COG8: variants seen among roughly 807,000 people sequenced by gnomAD.
The protein encoded by COG8 is conserved oligomeric Golgi complex subunit 8.
Under a neutral mutation model 46.5 loss-of-function variants are expected in COG8, and 45 were observed. That is an observed-to-expected ratio of 0.97 (90% confidence interval 0.76 to 1.24). The LOEUF (loss-of-function observed/expected upper bound fraction) is 1.24. Ranked by LOEUF, COG8 falls within the 50% of genes most tolerant of loss-of-function variation. The pLI is 0.00. For synonymous variants in COG8, 407 were observed against 347.8 expected, an observed-to-expected ratio of 1.17 and a Z score of -1.90; for missense variants, 793 against 820.8, an observed-to-expected ratio of 0.97 and a Z score of 0.41.
rs1308662799 is a variant in COG8, at chr16:69,329,059, G to T, written c.*147C>A. On this transcript the variant is annotated 3_prime_UTR_variant, in exon 6 of 6. Coordinates refer to ENST00000306875, the MANE Select transcript of COG8 (RefSeq NM_032382.5). ...CTTCATCCAATAGACGTTTGTGAAC[G>T]TCCTGCTGTCCATTTTGTCAATAAA... The T allele has an allele frequency of 6.2e-7, 1 of 1,611,628 alleles. No homozygotes were observed. The highest frequency in any genetic ancestry group is 2.2e-5 in the East Asian group (1 of 44,760).
At position 69,339,383 on chromosome 16, in the gene COG8, C is replaced by A; in HGVS notation, c.170G>T (p.Gly57Val). The change falls in exon 1 of 6, where the codon GGG becomes GTG. Residue 57 changes from glycine (G) to valine (V), a missense_variant. Gly to Val is a moderately radical substitution (Grantham distance 109). Transcript: ENST00000306875. Reference sequence around the variant, plus strand: ...GGGCTCGCGCCGCAGCCGCTCCAGCCCCGAGCCGCTCAACTCCCGGAGGTA... The same window carrying A: ...GGGCTCGCGCCGCAGCCGCTCCAGCACCGAGCCGCTCAACTCCCGGAGGTA... ...GRYLRELSGS[G>V]LERLRREPER... 6.3e-7 allele frequency: 1 copy of A among 1,586,304 alleles called. No individual in the cohort carries two copies. The highest frequency in any genetic ancestry group is 8.5e-7 in the Non-Finnish European group (1 of 1,170,420).
chr16:69,334,742 T>C lies in COG8; in HGVS notation c.1192A>G (p.Met398Val), dbSNP rs1190115072. 1.9e-6 allele frequency: 3 copies of C among 1,614,126 alleles called. No individual in the cohort carries two copies. The highest frequency in any genetic ancestry group is 1.7e-6 in the Non-Finnish European group (2 of 1,180,026). Reference sequence around the variant, plus strand: ...AGGATGGCTGGAGCCGAGATGAGCATGTAGGAGTTCATTTCTTCCTGGAAT... The same window carrying C: ...AGGATGGCTGGAGCCGAGATGAGCACGTAGGAGTTCATTTCTTCCTGGAAT... Reference protein sequence around the residue: ...EKFQEEMNSYMLISAPAILGT... With the variant: ...EKFQEEMNSYVLISAPAILGT... The change falls in exon 3 of 6, where the codon ATG becomes GTG. Residue 398 changes from methionine to valine, a missense_variant. Transcript: ENST00000306875.
intron 4 of COG8, 122 bp from the exon 5 acceptor site, chr16:69,331,217 G>T: frequency 9.6e-7 from 1 of 1,046,790 alleles, no homozygotes. Context: ...GGAGGCCGGG[G>T]AGGGGGGGGC....
In COG8 at chr16:69,334,574, G is replaced by A; in HGVS notation, c.1360C>T (p.Pro454Ser). 6.2e-7 allele frequency: 1 copy of A among 1,614,234 alleles called. No homozygotes were observed. Among genetic ancestry groups the A allele is most frequent in the Non-Finnish European group, 8.5e-7 (1 of 1,180,054 alleles). ...VAFNDLRLCC[P>S]VALAQDVTGA... Reference sequence around the variant, plus strand: ...GTCACATCCTGCGCCAGGGCCACAGGGCAGCAGAGGCGCAGATCATTGAAG... The same window carrying A: ...GTCACATCCTGCGCCAGGGCCACAGAGCAGCAGAGGCGCAGATCATTGAAG... Residue 454 changes from proline to serine, a missense_variant, in exon 3 of 6, where the codon CCT becomes TCT. Physicochemically the swap from Pro to Ser is moderately conservative, Grantham distance 74. Coordinates refer to ENST00000306875, the MANE Select transcript of COG8 (RefSeq NM_032382.5).
chr16:69,330,205 C>T (rs910245560), intron 5 of COG8: 5 of 1,455,956 alleles, frequency 3.4e-6, no homozygotes, highest in Non-Finnish European at 4.5e-6. Context: ...CCAGCGCCAG[C>T]ACCTGCCGCG....
intron 1 of COG8, among the ~76,000 whole-genome samples, chr16:69,337,859 C>T (rs2012291704): frequency 6.6e-6 from 1 of 152,006 alleles, no homozygotes; most frequent in Admixed American, 6.6e-5. Context: ...CCTCAGCCTC[C>T]CGAGTAGCTG....
rs200476177 is a variant in COG8 at position 69,334,817 on chromosome 16, G to A, written c.1117C>T (p.Arg373Trp). The A allele has an allele frequency of 1.4e-5, 23 of 1,614,126 alleles. No homozygotes were observed. The highest frequency in any genetic ancestry group is 1.2e-4 in the South Asian group (11 of 91,084). ...FRGQLAPVFQ[R>W]VAISTFQKAI... ...TTCTGGAAAGTGCTGATGGCCACCC[G>A]CTGGAAAACAGGAGCCAACTGACCC... Residue 373 changes from arginine to tryptophan, a missense_variant, in exon 3 of 6, where the codon CGG (arginine) becomes TGG (tryptophan). By Grantham distance (101) the Arg-to-Trp change is moderately radical. Coordinates refer to ENST00000306875, the MANE Select transcript of COG8 (RefSeq NM_032382.5).
chr16:69,328,840 C>G lies in COG8; in HGVS notation c.*366G>C. 1 of 780,328 alleles carries G rather than the reference C, an allele frequency of 1.3e-6. No homozygotes were observed. The highest frequency in any genetic ancestry group is 2.0e-6 in the Non-Finnish European group (1 of 503,996). 48.3% of individuals were successfully genotyped at this position (780,328 alleles called of 1,614,324 possible). ...CTCAAGTTGTAGCCAACATTTTGTC[C>G]GTAACTGATTTCAGGGCAAACATTT... On this transcript the variant is annotated 3_prime_UTR_variant, in exon 6 of 6. Coordinates refer to ENST00000306875, the MANE Select transcript of COG8 (RefSeq NM_032382.5).
chr16:69,335,887 A>G lies in COG8; in HGVS notation c.586-539T>C, dbSNP rs191556810. ...TCCCACTGCAATCAAGAAAATTCCA[A>G]CCACTTGTTGGGACTTACACTGGTG... On this transcript the variant is annotated intron_variant, in intron 2 of 5. Coordinates refer to ENST00000306875, the MANE Select transcript of COG8 (RefSeq NM_032382.5). 1.5e-3 allele frequency among the ~76,000 whole-genome samples: 233 copies of G among 151,614 alleles called. 2 individuals are homozygous for G. Among genetic ancestry groups the G allele is most frequent in the Non-Finnish European group, 5.9e-4 (40 of 67,936 alleles).
rs1322614874 is a variant in COG8 at position 69,327,611 on chromosome 16, G to C, written c.*1595C>G. ...TTTATAACACTTTTTCCTCTAAACA[G>C]CTTAATGGACTTCCTACTACTTGTA... On this transcript the variant is annotated 3_prime_UTR_variant, in exon 6 of 6. Transcript: ENST00000306875. The C allele has an allele frequency of 6.6e-6, 1 of 152,030 alleles. No homozygotes were observed. The highest frequency in any genetic ancestry group is 1.5e-5 in the Non-Finnish European group (1 of 68,020). 9.4% of individuals were successfully genotyped at this position (152,030 alleles called of 1,614,324 possible). A position where few individuals can be genotyped will look rare whatever the true frequency, so the allele number is the denominator to read the frequency against.
rs778894885 is a variant in COG8 at position 69,330,992 on chromosome 16, A to G, written c.1686T>C (p.Leu562=). Reference sequence around the variant, plus strand: ...CCAGCGCCTGGTCATCCAGGGTGAAAAGCGTCTCTCTCTTTGGCAGGATAA... The same window carrying G: ...CCAGCGCCTGGTCATCCAGGGTGAAGAGCGTCTCTCTCTTTGGCAGGATAA... ...LAFILPKRET[L]FTLDDQALGP... is the part of the protein sequence containing the mutation. Residue 562 remains leucine, a synonymous_variant, in exon 5 of 6, where the codon CTT becomes CTC. Coordinates refer to ENST00000306875, the MANE Select transcript of COG8 (RefSeq NM_032382.5). 1.1e-5 allele frequency: 18 copies of G among 1,608,906 alleles called. No homozygotes were observed. Among genetic ancestry groups the G allele is most frequent in the Non-Finnish European group, 1.3e-5 (15 of 1,178,006 alleles).
chr16:69,330,928 C>T lies in COG8; in HGVS notation c.1750G>A (p.Glu584Lys), dbSNP rs760216489. 13 of 1,557,368 alleles carry T rather than the reference C, an allele frequency of 8.3e-6. No homozygotes were observed. The Admixed American group carries it at 1.2e-4, about 14-fold the overall frequency. The change falls in exon 5 of 6, where the codon GAG (glutamate) becomes AAG (lysine). Residue 584 changes from glutamate to lysine, a missense_variant. Transcript: ENST00000306875. ...CCCGCGGGCTCCAGGCGTGGCTCCT[C>T]GGCGGGAGGCTCTGGTGCTGGAGCT... Reference protein sequence around the residue: ...LTAPAPEPPAEEPRLEPAGPA... With the variant: ...LTAPAPEPPAKEPRLEPAGPA...
rs113642086 is a variant in COG8, at chr16:69,335,337, G to A, written c.597C>T (p.Asn199=). 2.9e-4 allele frequency: 460 copies of A among 1,596,854 alleles called. 6 individuals carry two copies. The East Asian group carries it at 6.6e-3, about 23-fold the overall frequency. ...SSIPVIQGIV[N]EVRQSMQLML... ...TCAGCTGCATGGACTGGCGCACTTC[G>A]TTCACGATGCCCTGACAATACACAG... The change falls in exon 3 of 6, where the codon AAC becomes AAT. Residue 199 remains asparagine (N), a synonymous_variant. Transcript: ENST00000306875.
Position 69,339,284 on chromosome 16 carries a change from A to C in COG8, c.269T>G (p.Phe90Cys). 6.2e-7 allele frequency: 1 copy of C among 1,612,412 alleles called. No homozygotes were observed. The highest frequency in any genetic ancestry group is 8.5e-7 in the Non-Finnish European group (1 of 1,179,716). Residue 90 changes from phenylalanine (F) to cysteine (C), a missense_variant, in exon 1 of 6, where the codon TTC becomes TGC. Physicochemically the swap from Phe to Cys is radical, Grantham distance 205 (BLOSUM62 -2). Coordinates refer to ENST00000306875, the MANE Select transcript of COG8 (RefSeq NM_032382.5). ...RDLAFANYKT[F>C]IRGAECTERI... Reference sequence around the variant, plus strand: ...CTCGGTGCACTCGGCGCCGCGGATGAAGGTCTTGTAGTTAGCGAAGGCCAA... The same window carrying C: ...CTCGGTGCACTCGGCGCCGCGGATGCAGGTCTTGTAGTTAGCGAAGGCCAA...
chr16:69,337,474 G>A (rs1050475747), intron 1 of COG8, among the ~76,000 whole-genome samples: 6 of 152,102 alleles, frequency 3.9e-5, no homozygotes, highest in African/African-American at 1.2e-4. Flanking sequence ...TAACTGCCTA[G>A]AATCCACAAT....
chr16:69,334,445 G>A (rs958863411), intron 3 of COG8, 76 bp downstream of exon 3: 20 of 1,248,596 alleles, frequency 1.6e-5, no homozygotes, highest in Admixed American at 3.8e-5. Flanking sequence ...TCAAATAGAC[G>A]GGTTTATTAC....
In COG8 at chr16:69,330,812, C is replaced by A; in HGVS notation, c.*26+1G>T. ...CACCCCGCGCCGGGAACCTCACGCACCGCGTTCTGGAGGCAGGGGACGCCG... is the reference window on the plus strand; with the variant it reads ...CACCCCGCGCCGGGAACCTCACGCAACGCGTTCTGGAGGCAGGGGACGCCG... On this transcript the variant is annotated splice_donor_variant, in intron 5 of 5. Coordinates refer to ENST00000306875, the MANE Select transcript of COG8 (RefSeq NM_032382.5). LOFTEE classifies it low-confidence loss of function (3UTR_SPLICE). 6.5e-7 allele frequency: 1 copy of A among 1,527,492 alleles called. No individual in the cohort carries two copies. Among genetic ancestry groups the A allele is most frequent in the Non-Finnish European group, 8.8e-7 (1 of 1,142,396 alleles). The allele number at this position is 1,527,492 out of a possible 1,614,324, so 94.6% of individuals were successfully genotyped here.
intron 1 of COG8, 113 bp downstream of exon 1, chr16:69,339,063 C>G: frequency 1.4e-6 from 2 of 1,440,824 alleles, no homozygotes; most frequent in Non-Finnish European, 1.9e-6. Context: ...ATTAATAAAG[C>G]GCTCAGCAGA....
intron 1 of COG8, among the ~76,000 whole-genome samples, chr16:69,337,957 C>G (rs1215441434): frequency 6.6e-6 from 1 of 152,030 alleles, no homozygotes; most frequent in Non-Finnish European, 1.5e-5. Flanking sequence ...TGGCCTCGAT[C>G]TCTTGACCTC....
Sources: gnomAD v4.1 joint callset for allele counts (sites outside exome capture counted in the v4.1 genomes callset) on GRCh38, gnomAD v4.1.1 for gene constraint, MANE v1.5 for transcripts, NCBI Gene and HGNC (gene_info 2026-07-23, HGNC 2026-07-21) for gene names.